The following DDAH1 variants were observed in gnomAD, a reference collection of about 807,000 sequenced individuals.
DDAH1 encodes N(G),N(G)-dimethylarginine dimethylaminohydrolase 1.
In DDAH1, 19 loss-of-function variants were observed where a neutral mutation model predicts 28.8. That is an observed-to-expected ratio of 0.66 (90% CI 0.46 to 0.97). The LOEUF (loss-of-function observed/expected upper bound fraction) is 0.97, where lower values mean the gene tolerates loss of function less well. Ranked by LOEUF, DDAH1 falls within the 50% of genes least tolerant of loss-of-function variation. The probability of loss-of-function intolerance (pLI) is 0.00; values close to 1 mark genes in which losing one functional copy is unlikely to be tolerated. For synonymous variants in DDAH1, 153 were observed against 154.4 expected (o/e 0.99, Z 0.07); for missense variants, 326 against 375.9 (o/e 0.87, Z 1.10).
At chr1:85,574,816 C>A (rs574320747) in intron 1 of DDAH1, among the ~76,000 whole-genome samples, 1 of 151,896 alleles carries the variant, frequency 6.6e-6, no homozygotes, top group South Asian at 2.1e-4. Context: ...GAGGCCGAGG[C>A]GGGTGGATCA....
intron 2 of DDAH1, among the ~76,000 whole-genome samples, chr1:85,487,591 T>A (rs1656247111): frequency 6.6e-6 from 1 of 152,244 alleles, no homozygotes; most frequent in Admixed American, 6.5e-5. Context: ...TTTATTACTT[T>A]AAAAAAGTAA....
At chr1:85,426,705 C>T (rs1031962122) in intron 1 of DDAH1, among the ~76,000 whole-genome samples, 4 of 151,820 alleles carry the variant, frequency 2.6e-5, no homozygotes, top group African/African-American at 4.8e-5. Context: ...TCCAACAGTT[C>T]GAGACCAGCC....
intron 1 of DDAH1, among the ~76,000 whole-genome samples, chr1:85,568,592 C>T (rs1659371395): frequency 6.6e-6 from 1 of 152,114 alleles, no homozygotes; most frequent in African/African-American, 2.4e-5. Flanking sequence ...AAAGGCTATG[C>T]ACATTAGGAA....
intron 2 of DDAH1, among the ~76,000 whole-genome samples, chr1:85,486,139 T>A (rs1003522600): frequency 2.0e-5 from 3 of 152,156 alleles, no homozygotes; most frequent in African/African-American, 7.2e-5. Flanking sequence ...CTCACTTCTG[T>A]GGGGTGATTT....
intron 4 of DDAH1, 111 bp downstream of exon 4, chr1:85,350,304 C>T: frequency 7.2e-7 from 1 of 1,396,154 alleles, no homozygotes; most frequent in South Asian, 1.4e-5. Context: ...CAAATACCTG[C>T]CTGTTCTCTC....
intron 2 of DDAH1, among the ~76,000 whole-genome samples, chr1:85,480,850 T>A (rs1161394600): frequency 1.3e-5 from 2 of 151,946 alleles, no homozygotes; most frequent in Non-Finnish European, 2.9e-5. Context: ...TCAAGGTATA[T>A]CCATACCTGT....
At chr1:85,503,682 A>G (rs547110250) in intron 1 of DDAH1, among the ~76,000 whole-genome samples, 2 of 152,320 alleles carry the variant, frequency 1.3e-5, no homozygotes, top group South Asian at 4.1e-4. Context: ...GGAGCTTCCA[A>G]TAAACACACA....
intron 1 of DDAH1, among the ~76,000 whole-genome samples, chr1:85,432,432 T>C (rs946364574): frequency 6.6e-6 from 1 of 152,234 alleles, no homozygotes; most frequent in East Asian, 1.9e-4. Flanking sequence ...TCATTATGCA[T>C]GCTTCTAAAT....
chr1:85,357,713 T>C (rs2300638), intron 2 of DDAH1, among the ~76,000 whole-genome samples: 2,609 of 152,322 alleles, frequency 0.017, 68 homozygotes, highest in East Asian at 0.12. Context: ...CTCTGACATG[T>C]CTGGGAAAAT....
At chr1:85,335,835 G>A (rs557377850) in intron 4 of DDAH1, among the ~76,000 whole-genome samples, 2 of 152,198 alleles carry the variant, frequency 1.3e-5, no homozygotes, top group African/African-American at 4.8e-5. Context: ...GGTGGTGCAT[G>A]CTTGTAGTTT....
chr1:85,497,816 A>G (rs532673946), intron 1 of DDAH1, among the ~76,000 whole-genome samples: 157 of 152,364 alleles, frequency 1.0e-3, no homozygotes, highest in African/African-American at 3.6e-3. Context: ...TTATTAAATC[A>G]TCAATGACAC....
At chr1:85,437,028 C>CA (rs539784220) in intron 1 of DDAH1, among the ~76,000 whole-genome samples, 34 of 150,828 alleles carry the variant, frequency 2.3e-4, no homozygotes, top group African/African-American at 7.3e-4. Context: ...CACTTCTAAC[C>CA]AAAAAAAAAC....
At chr1:85,355,587 A>T (rs1649448697) in intron 2 of DDAH1, among the ~76,000 whole-genome samples, 1 of 152,212 alleles carries the variant, frequency 6.6e-6, no homozygotes, top group South Asian at 2.1e-4. Flanking sequence ...AAAGAAAATC[A>T]TATAATCATT....
At chr1:85,492,049 T>C (rs1051996430) in intron 2 of DDAH1, among the ~76,000 whole-genome samples, 8 of 152,198 alleles carry the variant, frequency 5.3e-5, no homozygotes, top group Non-Finnish European at 7.4e-5. Flanking sequence ...TTATGAGACA[T>C]GCATAATGAT....
chr1:85,386,138 G>A (rs185981217), intron 1 of DDAH1, among the ~76,000 whole-genome samples: 11 of 152,176 alleles, frequency 7.2e-5, no homozygotes, highest in Non-Finnish European at 1.5e-4. Context: ...CCTTTCCCTG[G>A]TTCCCCAAAT....
At chr1:85,383,512 T>C (rs1040106362) in intron 1 of DDAH1, among the ~76,000 whole-genome samples, 3 of 152,192 alleles carry the variant, frequency 2.0e-5, no homozygotes, top group African/African-American at 7.2e-5. Flanking sequence ...ATAAAATATT[T>C]AGAATAGTCC....
At chr1:85,424,665 CCAGT>C (rs1302117676) in intron 1 of DDAH1, among the ~76,000 whole-genome samples, 1 of 152,024 alleles carries the variant, frequency 6.6e-6, no homozygotes, top group African/African-American at 2.4e-5. Flanking sequence ...TAGAAAAACA[CCAGT>C]CAATTTTCCT....
At position 85,479,420 on chromosome 1, in the gene DDAH1, G is replaced by A. The variant is rs1035576608; in HGVS notation, c.-7+16746C>T. ...GATCTCCTGACCTCATGATCCACCC[G>A]CCTCGGCCTCCCAAAGTGCTGGGAT... On this transcript the variant is annotated intron_variant, in intron 2 of 6. Coordinates refer to the DDAH1 transcript ENST00000426972. Among the ~76,000 whole-genome samples the A allele has an allele frequency of 2.6e-5, 4 of 151,870 alleles. No homozygotes were observed. The South Asian group carries it at 6.2e-4, about 24-fold the overall frequency.
intron 1 of DDAH1, among the ~76,000 whole-genome samples, chr1:85,542,861 T>G (rs925675952): frequency 6.6e-6 from 1 of 152,218 alleles, no homozygotes; most frequent in African/African-American, 2.4e-5. Flanking sequence ...TGGCTAACAC[T>G]GGGCGATTTC....
Sources: gnomAD v4.1 joint callset for allele counts (sites outside exome capture counted in the v4.1 genomes callset) on GRCh38, gnomAD v4.1.1 for gene constraint, MANE v1.5 for transcripts, NCBI Gene and HGNC (gene_info 2026-07-23, HGNC 2026-07-21) for gene names.